The following PSD3 variants were observed in gnomAD, a reference collection of about 807,000 sequenced individuals.
The protein encoded by PSD3 is pleckstrin and Sec7 domain containing 3.
Under a neutral mutation model 105.5 loss-of-function variants are expected in PSD3, and 49 were observed. The ratio of observed to expected loss-of-function variants is 0.46; its 90% CI spans 0.37 to 0.59. The LOEUF is 0.59. PSD3 is among the 20% of genes least tolerant of loss of function. PSD3 has a pLI of 0.00. For synonymous variants in PSD3, 557 were observed against 457.8 expected, an observed-to-expected ratio of 1.22 and a Z score of -2.77; for missense variants, 1,561 against 1,263.8, an observed-to-expected ratio of 1.24 and a Z score of -3.57.
rs933725914 is a variant in PSD3 at position 18,535,500 on chromosome 8, C to T, written c.*243G>A. 1.8e-4 allele frequency: 92 copies of T among 505,918 alleles called. No homozygotes were observed. The East Asian group carries it at 2.4e-3, about 13-fold the overall frequency. 31.3% of individuals were successfully genotyped at this position (505,918 alleles called of 1,614,324 possible). ...GGATACATAATTCATTCTGAAATCA[C>T]GATCCCCTCCTCCTCACAGAAAAGG... On this transcript the variant is annotated 3_prime_UTR_variant, in exon 16 of 16. Transcript: ENST00000327040.
intron 1 of PSD3, among the ~76,000 whole-genome samples, chr8:19,065,433 C>G (rs988955551): frequency 6.6e-6 from 1 of 152,142 alleles, no homozygotes; most frequent in South Asian, 2.1e-4. Flanking sequence ...CTCAGTCTGA[C>G]AAGACTGCAC....
In PSD3 at chr8:18,877,706, C is replaced by A. The variant is rs142538741; in HGVS notation, c.131-4973G>T. 3.4e-5 allele frequency among the ~76,000 whole-genome samples: 5 copies of A among 148,840 alleles called. No individual in the cohort carries two copies. The East Asian group carries it at 1.0e-3, about 30-fold the overall frequency. On this transcript the variant is annotated intron_variant, in intron 2 of 15. Transcript: ENST00000327040. Reference sequence around the variant, plus strand: ...ATACGCATGCACCACCATGCCTGGACAATTTTTCATTTTTTTTAAGAGACA... The same window carrying A: ...ATACGCATGCACCACCATGCCTGGAAAATTTTTCATTTTTTTTAAGAGACA...
At chr8:19,068,996 A>G (rs532919448) in intron 1 of PSD3, among the ~76,000 whole-genome samples, 2 of 152,136 alleles carry the variant, frequency 1.3e-5, no homozygotes, top group Non-Finnish European at 2.9e-5. Context: ...ATTATGCTTC[A>G]TAATACCTCA....
chr8:18,834,482 C>G (rs978125093), intron 4 of PSD3, among the ~76,000 whole-genome samples: 1 of 152,206 alleles, frequency 6.6e-6, no homozygotes, highest in Non-Finnish European at 1.5e-5. Flanking sequence ...AATTCATCCA[C>G]AGCCCCTGGC....
chr8:18,618,911 C>T (rs1045901336), intron 11 of PSD3, among the ~76,000 whole-genome samples: 1 of 152,126 alleles, frequency 6.6e-6, no homozygotes, highest in South Asian at 2.1e-4. Flanking sequence ...TGGTGGAATA[C>T]GCTTATCCAT....
chr8:19,080,937 G>T (rs964732728), intron 1 of PSD3, among the ~76,000 whole-genome samples: 2 of 152,142 alleles, frequency 1.3e-5, no homozygotes, highest in African/African-American at 4.8e-5. Flanking sequence ...AATTTAAGAT[G>T]TGGAAATGTC....
At chr8:18,604,891 C>T (rs1012706928) in intron 11 of PSD3, among the ~76,000 whole-genome samples, 1 of 152,192 alleles carries the variant, frequency 6.6e-6, no homozygotes, top group Non-Finnish European at 1.5e-5. Context: ...CCTGTGGCTA[C>T]AAAGAGGACA....
chr8:18,757,078 G>C (rs1806112476), intron 9 of PSD3, among the ~76,000 whole-genome samples: 2 of 147,722 alleles, frequency 1.4e-5, no homozygotes. Flanking sequence ...TAAGATATTG[G>C]GATTACTTTC....
chr8:18,843,941 G>A (rs978356637), intron 4 of PSD3, among the ~76,000 whole-genome samples: 4 of 145,604 alleles, frequency 2.7e-5, no homozygotes, highest in Non-Finnish European at 6.0e-5. Flanking sequence ...TTTTACCCAA[G>A]GCAATACTGT....
chr8:18,835,824 A>C (rs537652171), intron 4 of PSD3, among the ~76,000 whole-genome samples: 1 of 152,342 alleles, frequency 6.6e-6, no homozygotes, highest in East Asian at 1.9e-4. Flanking sequence ...ACTGAAGCAG[A>C]GTGAGCAACA....
chr8:18,796,683 C>A (rs569197555), intron 8 of PSD3, among the ~76,000 whole-genome samples: 41 of 152,270 alleles, frequency 2.7e-4, no homozygotes, highest in African/African-American at 9.1e-4. Flanking sequence ...CAGACCTCCT[C>A]ATAGGGGAGT....
intron 10 of PSD3, among the ~76,000 whole-genome samples, chr8:18,641,536 T>C (rs1356841901): frequency 1.3e-5 from 2 of 152,184 alleles, no homozygotes; most frequent in African/African-American, 4.8e-5. Context: ...TCAAACATGC[T>C]AAATTATAAT....
At chr8:18,670,307 G>A (rs191838428) in intron 9 of PSD3, among the ~76,000 whole-genome samples, 7 of 152,292 alleles carry the variant, frequency 4.6e-5, no homozygotes, top group East Asian at 3.9e-4. Context: ...AGCAGGTCCC[G>A]AAGGGCTTTT....
chr8:18,964,968 C>A (rs923245519), intron 1 of PSD3, among the ~76,000 whole-genome samples: 6 of 152,142 alleles, frequency 3.9e-5, no homozygotes, highest in Admixed American at 6.5e-5. Context: ...ATTAAAACAC[C>A]ATTTGCATGA....
At chr8:18,877,717 T>C (rs1174950357) in intron 2 of PSD3, among the ~76,000 whole-genome samples, 1 of 151,674 alleles carries the variant, frequency 6.6e-6, no homozygotes, top group Non-Finnish European at 1.5e-5. Flanking sequence ...AATTTTTCAT[T>C]TTTTTTAAGA....
At chr8:18,605,400 T>C (rs1384907847) in intron 11 of PSD3, among the ~76,000 whole-genome samples, 2 of 152,200 alleles carry the variant, frequency 1.3e-5, no homozygotes, top group Admixed American at 6.5e-5. Context: ...ATATATTCCT[T>C]TTGGAATGGG....
chr8:18,561,901 G>A (rs954196429), intron 14 of PSD3, among the ~76,000 whole-genome samples: 9 of 152,168 alleles, frequency 5.9e-5, no homozygotes, highest in Admixed American at 3.9e-4. Context: ...CTTCTCCCCC[G>A]GTGCAAAGCC....
upstream of PSD3, chr8:19,013,730 G>A (rs1827066882): frequency 5.3e-6 from 3 of 567,408 alleles, no homozygotes; most frequent in Non-Finnish European, 7.2e-6. Flanking sequence ...CGCGCACCCT[G>A]GCGGAGGCTG....
At chr8:18,959,592 C>T (rs944479098) in intron 1 of PSD3, among the ~76,000 whole-genome samples, 1 of 151,964 alleles carries the variant, frequency 6.6e-6, no homozygotes, top group Admixed American at 6.6e-5. Context: ...ATGCCTATGA[C>T]TCCACCCACC....
Sources: allele counts gnomAD v4.1 joint callset (sites outside exome capture counted in the v4.1 genomes callset), GRCh38; gene constraint gnomAD v4.1.1; transcripts MANE v1.5; gene names NCBI Gene and HGNC (gene_info 2026-07-23, HGNC 2026-07-21).